The following CYTIP variants were observed in gnomAD, a reference collection of about 807,000 sequenced individuals.
CYTIP encodes cytohesin 1 interacting protein.
Under a neutral mutation model 43.8 loss-of-function variants are expected in CYTIP, and 26 were observed. That is an observed-to-expected ratio of 0.59 (90% CI 0.44 to 0.82). CYTIP has a LOEUF of 0.82. Among genes scored for constraint, CYTIP ranks in the 40% least tolerant of loss-of-function variants. The pLI, the probability that CYTIP is intolerant of heterozygous loss-of-function variation, is 0.00. For synonymous variants in CYTIP, 162 were observed against 162.9 expected (o/e 0.99, Z 0.04); for missense variants, 426 against 443.1 (o/e 0.96, Z 0.35).
At chr2:157,422,089 T>A (rs1222066345) in intron 6 of CYTIP, among the ~76,000 whole-genome samples, 2 of 152,158 alleles carry the variant, frequency 1.3e-5, no homozygotes, top group Non-Finnish European at 1.5e-5. Context: ...AGAGCTTGTA[T>A]GTTGAAAGGC....
At chr2:157,440,186 C>G (rs529475237) in intron 1 of CYTIP, among the ~76,000 whole-genome samples, 1 of 152,274 alleles carries the variant, frequency 6.6e-6, no homozygotes. Flanking sequence ...TTTCCAGTCC[C>G]CTGCCTCACT....
chr2:157,437,179 T>G (rs1685823264), intron 1 of CYTIP, among the ~76,000 whole-genome samples: 1 of 151,976 alleles, frequency 6.6e-6, no homozygotes, highest in Admixed American at 6.6e-5. Flanking sequence ...GAATAAGACC[T>G]TCAAAAAACA....
In CYTIP at chr2:157,417,630, T is replaced by A. The variant is rs185738136; in HGVS notation, c.613+893A>T. On this transcript the variant is annotated intron_variant, in intron 7 of 7. Coordinates refer to ENST00000264192, the MANE Select transcript of CYTIP (RefSeq NM_004288.5). ...CCCAAAAGAACTATTATGAATTTTT[T>A]AAAAATATTAAATGAAGACATAAAA... Among the ~76,000 whole-genome samples the A allele has an allele frequency of 1.6e-4, 24 of 151,920 alleles. No homozygotes were observed. The East Asian group carries it at 2.9e-3, about 18-fold the overall frequency.
chr2:157,425,667 A>G (rs948250763), intron 6 of CYTIP, among the ~76,000 whole-genome samples: 1 of 152,194 alleles, frequency 6.6e-6, no homozygotes, highest in African/African-American at 2.4e-5. Context: ...TTTATTCCAT[A>G]GAATATAGCC....
intron 1 of CYTIP, 92 bp from the exon 2 acceptor site, chr2:157,434,839 T>TCC (rs1558940983): frequency 4.2e-6 from 2 of 470,928 alleles, no homozygotes; most frequent in African/African-American, 5.3e-5. Flanking sequence ...TCTCTCTCTC[T>TCC]CTCTCTCTCT....
At chr2:157,430,465 G>T in intron 5 of CYTIP, 94 bp downstream of exon 5, 1 of 1,072,370 alleles carries the variant, frequency 9.3e-7, no homozygotes, top group Non-Finnish European at 1.4e-6. Context: ...ACTCCGTCTT[G>T]TAATGCTGAA....
At position 157,415,864 on chromosome 2, in the gene CYTIP, G is replaced by C; in HGVS notation, c.893C>G (p.Ser298Cys). Residue 298 changes from serine to cysteine, a missense_variant, in exon 8 of 8, where the codon TCT (serine) becomes TGT (cysteine). By Grantham distance (112) the Ser-to-Cys change is moderately radical. Coordinates refer to ENST00000264192, the MANE Select transcript of CYTIP (RefSeq NM_004288.5). ...ACTGATGCTCCGGTTCCTCCTTGAAGATGACCTCCTCAGAAAATCATCCCC... is the reference window on the plus strand; with the variant it reads ...ACTGATGCTCCGGTTCCTCCTTGAACATGACCTCCTCAGAAAATCATCCCC... ...KEGDDFLRRS[S>C]SRRNRSISNT... The C allele has an allele frequency of 6.2e-7, 1 of 1,614,208 alleles. No homozygotes were observed. The highest frequency in any genetic ancestry group is 8.5e-7 in the Non-Finnish European group (1 of 1,180,036).
chr2:157,419,445 T>C (rs555962273), intron 6 of CYTIP, among the ~76,000 whole-genome samples: 6 of 152,280 alleles, frequency 3.9e-5, no homozygotes, highest in Non-Finnish European at 7.4e-5. Context: ...AGACCCACAG[T>C]GGGAATTAAG....
At chr2:157,434,832 C>CAA (rs1685782656) in intron 1 of CYTIP, 85 bp from the exon 2 acceptor site, 1 of 465,356 alleles carries the variant, frequency 2.1e-6, no homozygotes. Context: ...CTCTCTCTCT[C>CAA]TCTCTCTCTC....
rs1017093513 is a variant in CYTIP at position 157,431,114 on chromosome 2, T to C, written c.280-152A>G. The C allele has an allele frequency of 4.8e-6, 3 of 620,608 alleles. No homozygotes were observed. In the African/African-American group the frequency reaches 5.7e-5, roughly 12 times the overall value. 38.4% of individuals were successfully genotyped at this position (620,608 alleles called of 1,614,324 possible). On this transcript the variant is annotated intron_variant, in intron 3 of 7. Transcript: ENST00000264192. Reference sequence around the variant, plus strand: ...CTATAAACTAAATCAAGGTATCAATTTTGCAATTCTACCAGACAATCTGTA... The same window carrying C: ...CTATAAACTAAATCAAGGTATCAATCTTGCAATTCTACCAGACAATCTGTA...
At chr2:157,428,368 T>A (rs185192376) in intron 5 of CYTIP, among the ~76,000 whole-genome samples, 1 of 152,222 alleles carries the variant, frequency 6.6e-6, no homozygotes, top group Non-Finnish European at 1.5e-5. Flanking sequence ...CTACTTCTAA[T>A]AGCATCATGC....
chr2:157,438,633 T>C (rs1032382377), intron 1 of CYTIP, among the ~76,000 whole-genome samples: 6 of 152,014 alleles, frequency 3.9e-5, no homozygotes, highest in African/African-American at 1.5e-4. Flanking sequence ...AAAACATCAC[T>C]ATGTATACCA....
chr2:157,416,470 A>G (rs112364840), intron 7 of CYTIP, among the ~76,000 whole-genome samples: 1 of 152,190 alleles, frequency 6.6e-6, no homozygotes, highest in Non-Finnish European at 1.5e-5. Flanking sequence ...CTCCAAAATG[A>G]TCATTTCTTA....
At chr2:157,434,043 T>G in intron 3 of CYTIP, 6 of 357,872 alleles carry the variant, frequency 1.7e-5, no homozygotes, top group Admixed American at 4.6e-5. Context: ...ATATATCAAG[T>G]ACACATCTGT....
At chr2:157,422,438 C>T (rs1428102859) in intron 6 of CYTIP, among the ~76,000 whole-genome samples, 2 of 152,072 alleles carry the variant, frequency 1.3e-5, no homozygotes, top group Non-Finnish European at 2.9e-5. Context: ...GAGGCCTAAG[C>T]GAGCGGATCA....
chr2:157,443,946 G>A lies in CYTIP; in HGVS notation c.75C>T (p.Ser25=). ...GGCTGCCGGTGAGTGTGGAGTAAGAGCTATACGCTGGCCCAGCGCAGAAGT... is the reference window on the plus strand; with the variant it reads ...GGCTGCCGGTGAGTGTGGAGTAAGAACTATACGCTGGCCCAGCGCAGAAGT... ...LADFCAGPAY[S]SYSTLTGSLT... Residue 25 remains serine (S), a synonymous_variant, in exon 1 of 8, where the codon AGC becomes AGT. Transcript: ENST00000264192. The A allele has an allele frequency of 6.2e-7, 1 of 1,614,150 alleles. No homozygotes were observed. Among genetic ancestry groups the A allele is most frequent in the Non-Finnish European group, 8.5e-7 (1 of 1,180,010 alleles).
chr2:157,429,821 A>G (rs1685679137), intron 5 of CYTIP, among the ~76,000 whole-genome samples: 1 of 151,940 alleles, frequency 6.6e-6, no homozygotes, highest in African/African-American at 2.4e-5. Context: ...CAGGAGATTG[A>G]GACCATCCTG....
chr2:157,426,838 G>A (rs1685616517), intron 6 of CYTIP, among the ~76,000 whole-genome samples: 1 of 152,118 alleles, frequency 6.6e-6, no homozygotes, highest in Non-Finnish European at 1.5e-5. Flanking sequence ...ACTATCTCTT[G>A]GACGCTAATT....
At chr2:157,436,198 A>C (rs1558941339) in intron 1 of CYTIP, among the ~76,000 whole-genome samples, 3 of 152,218 alleles carry the variant, frequency 2.0e-5, no homozygotes, top group Non-Finnish European at 1.5e-5. Context: ...ATCTCTTTTC[A>C]ATTTATAAGC....
Sources: gnomAD v4.1 joint callset for allele counts (sites outside exome capture counted in the v4.1 genomes callset) on GRCh38, gnomAD v4.1.1 for gene constraint, MANE v1.5 for transcripts, NCBI Gene and HGNC (gene_info 2026-07-23, HGNC 2026-07-21) for gene names.